DNM3: variants seen among roughly 807,000 people sequenced by gnomAD.
The protein encoded by DNM3 is dynamin 3, also known as dynamin-3.
A neutral mutation model predicts 101.6 loss-of-function variants in DNM3; 47 were observed. The observed-to-expected ratio is 0.46, with a 90% CI of 0.37 to 0.59. The LOEUF is 0.59. DNM3 is among the 20% of genes least tolerant of loss of function. The pLI is 0.00. For missense variants in DNM3, 849 were observed against 1,085.7 expected (o/e 0.78, Z 3.06); for synonymous variants, 385 against 387.9 (o/e 0.99, Z 0.09).
At position 172,302,972 on chromosome 1, in the gene DNM3, T is replaced by G. The variant is rs956342279; in HGVS notation, c.1770-5756T>G. ...ATTCTAAAAACCAGAGCACTTTTTCTCCTCCAAAGGATCACAGCTCATCAC... is the reference window on the plus strand; with the variant it reads ...ATTCTAAAAACCAGAGCACTTTTTCGCCTCCAAAGGATCACAGCTCATCAC... On this transcript the variant is annotated intron_variant, in intron 15 of 20. Coordinates refer to ENST00000627582, the MANE Select transcript of DNM3 (RefSeq NM_015569.5). Among the ~76,000 whole-genome samples the G allele has an allele frequency of 8.5e-5, 13 of 152,212 alleles. No homozygotes were observed. In the South Asian group the frequency reaches 2.7e-3, roughly 32 times the overall value.
At position 172,296,226 on chromosome 1, in the gene DNM3, G is replaced by C. The variant is rs561771540; in HGVS notation, c.1770-12502G>C. Among the ~76,000 whole-genome samples, 13 of 152,338 alleles carry C rather than the reference G, an allele frequency of 8.5e-5. No individual in the cohort carries two copies. The East Asian group carries it at 2.5e-3, about 29-fold the overall frequency. On this transcript the variant is annotated intron_variant, in intron 15 of 20. Coordinates refer to ENST00000627582, the MANE Select transcript of DNM3 (RefSeq NM_015569.5). The stretch of plus-strand genomic sequence containing the variant: ...TCCAAATATCCCTTTTAATTTATTA[G>C]AGGGGTTGGAGCAGAGCCACAGGGC...
intron 2 of DNM3, among the ~76,000 whole-genome samples, chr1:171,984,298 C>T (rs115469276): frequency 6.6e-6 from 1 of 152,158 alleles, no homozygotes; most frequent in Non-Finnish European, 1.5e-5. Context: ...TTCAGATGGT[C>T]TGCCATCTCA....
At chr1:172,186,420 C>G (rs995070612) in intron 14 of DNM3, among the ~76,000 whole-genome samples, 1 of 151,354 alleles carries the variant, frequency 6.6e-6, no homozygotes, top group East Asian at 1.9e-4. Flanking sequence ...AATGCAGTTT[C>G]CATTCTCCTG....
At chr1:172,137,495 A>T (rs2148125984) in intron 14 of DNM3, 1 of 152,316 alleles carries the variant, frequency 6.6e-6, no homozygotes, top group Non-Finnish European at 1.5e-5. Flanking sequence ...AGAAACTATA[A>T]TGTCAGGTTT....
At chr1:172,044,523 G>A in intron 9 of DNM3, 71 bp downstream of exon 9, 1 of 1,315,034 alleles carries the variant, frequency 7.6e-7, no homozygotes, top group Admixed American at 2.1e-5. Context: ...TAAATGGCTA[G>A]GAAACTCGTC....
At chr1:171,953,906 A>C (rs1009527712) in intron 2 of DNM3, among the ~76,000 whole-genome samples, 6 of 152,184 alleles carry the variant, frequency 3.9e-5, no homozygotes, top group African/African-American at 1.4e-4. Context: ...AAAGTATGGG[A>C]TGTGGGATTT....
intron 14 of DNM3, among the ~76,000 whole-genome samples, chr1:172,191,317 G>A (rs2059714316): frequency 6.6e-6 from 1 of 152,170 alleles, no homozygotes; most frequent in Non-Finnish European, 1.5e-5. Flanking sequence ...TCAAAGATCA[G>A]ATGATTGTAG....
At chr1:172,081,049 A>G (rs1340075272) in intron 11 of DNM3, among the ~76,000 whole-genome samples, 2 of 152,178 alleles carry the variant, frequency 1.3e-5, no homozygotes, top group Non-Finnish European at 2.9e-5. Flanking sequence ...TGGGAGCTGC[A>G]TACTGGAGCT....
chr1:172,280,808 T>C lies in DNM3; in HGVS notation c.1769+27126T>C, dbSNP rs148183952. The stretch of plus-strand genomic sequence containing the variant: ...ATTAATAGTATCCAGATTTTAGAAA[T>C]ACACACATGCATGCATACATGCACA... On this transcript the variant is annotated intron_variant, in intron 15 of 20. Transcript: ENST00000627582. Among the ~76,000 whole-genome samples the C allele has an allele frequency of 4.8e-3, 726 of 152,234 alleles. 3 individuals are homozygous for C. Among genetic ancestry groups the C allele is most frequent in the African/African-American group, 0.017 (686 of 41,540 alleles).
intron 1 of DNM3, among the ~76,000 whole-genome samples, chr1:171,900,355 C>T (rs964333049): frequency 6.6e-6 from 1 of 151,410 alleles, no homozygotes; most frequent in Non-Finnish European, 1.5e-5. Flanking sequence ...ATGAAACCAC[C>T]GAGGGGGAGA....
intron 12 of DNM3, among the ~76,000 whole-genome samples, chr1:172,086,583 T>C (rs1185530104): frequency 2.0e-5 from 3 of 151,934 alleles, no homozygotes; most frequent in Non-Finnish European, 4.4e-5. Flanking sequence ...TAATTCAATC[T>C]AATTAAAGTT....
At chr1:172,325,841 G>C (rs981822189) in intron 17 of DNM3, among the ~76,000 whole-genome samples, 5 of 152,134 alleles carry the variant, frequency 3.3e-5, no homozygotes, top group Non-Finnish European at 7.4e-5. Flanking sequence ...TATTATATAT[G>C]CTATTAACCA....
intron 2 of DNM3, among the ~76,000 whole-genome samples, chr1:171,966,744 T>C (rs2043616379): frequency 6.6e-6 from 1 of 152,154 alleles, no homozygotes. Context: ...CTATGTTCAC[T>C]TTGGGGTGGA....
At chr1:172,332,041 A>G (rs987126335) in intron 17 of DNM3, among the ~76,000 whole-genome samples, 1 of 152,158 alleles carries the variant, frequency 6.6e-6, no homozygotes, top group Non-Finnish European at 1.5e-5. Flanking sequence ...CAAAATCAAA[A>G]AAAAAGCTTA....
At chr1:172,316,909 TC>T (rs2065395431) in intron 16 of DNM3, among the ~76,000 whole-genome samples, 1 of 151,952 alleles carries the variant, frequency 6.6e-6, no homozygotes, top group African/African-American at 2.4e-5. Flanking sequence ...TCTACAGAAC[TC>T]TCCACCCCAA....
intron 6 of DNM3, among the ~76,000 whole-genome samples, chr1:172,035,484 G>A (rs1233140083): frequency 6.6e-6 from 1 of 152,066 alleles, no homozygotes; most frequent in Non-Finnish European, 1.5e-5. Context: ...TACTCTTCTG[G>A]CAAAGAGGGT....
At chr1:172,027,986 C>T (rs1018049764) in intron 4 of DNM3, among the ~76,000 whole-genome samples, 1 of 152,164 alleles carries the variant, frequency 6.6e-6, no homozygotes, top group African/African-American at 2.4e-5. Context: ...GATACTTTAA[C>T]ACCCTACTGC....
At chr1:172,212,906 G>A (rs2060561984) in intron 14 of DNM3, among the ~76,000 whole-genome samples, 1 of 152,086 alleles carries the variant, frequency 6.6e-6, no homozygotes, top group South Asian at 2.1e-4. Flanking sequence ...TGAAATCATG[G>A]TCTTTTAGCA....
At chr1:172,190,402 C>G (rs972069947) in intron 14 of DNM3, among the ~76,000 whole-genome samples, 7 of 152,098 alleles carry the variant, frequency 4.6e-5, no homozygotes, top group Non-Finnish European at 7.4e-5. Context: ...TTTCTTAATC[C>G]AGTCTATCAT....
Sources: gnomAD v4.1 joint callset for allele counts (sites outside exome capture counted in the v4.1 genomes callset) on GRCh38, gnomAD v4.1.1 for gene constraint, MANE v1.5 for transcripts, NCBI Gene and HGNC (gene_info 2026-07-23, HGNC 2026-07-21) for gene names.